Variants in TASP1 observed in about 807,000 individuals in gnomAD.
The protein encoded by TASP1 is taspase 1, also known as threonine aspartase 1.
A neutral mutation model predicts 56.6 loss-of-function variants in TASP1; 16 were observed. That is an observed-to-expected ratio of 0.28 (90% CI 0.19 to 0.43). The LOEUF is 0.43. TASP1 is among the 20% of genes least tolerant of loss of function. TASP1 has a pLI of 1.00. For missense variants in TASP1, 393 were observed against 511.6 expected (o/e 0.77, Z 2.24); for synonymous variants, 179 against 184.2 (o/e 0.97, Z 0.23).
chr20:13,117,866 C>A, the TASP1 span: 2 of 728,170 alleles, frequency 2.7e-6, no homozygotes, highest in Non-Finnish European at 4.4e-6. Flanking sequence ...ACAGTGGGTT[C>A]ACAGCCAGAT....
chr20:13,186,489 A>G, the TASP1 span, among the ~76,000 whole-genome samples: 2 of 152,174 alleles, frequency 1.3e-5, no homozygotes, highest in African/African-American at 4.8e-5. Flanking sequence ...GGAAGAGGGG[A>G]AAATAGCTAC....
the TASP1 span, among the ~76,000 whole-genome samples, chr20:13,161,261 T>C: frequency 6.6e-6 from 1 of 152,120 alleles, no homozygotes; most frequent in Non-Finnish European, 1.5e-5. Flanking sequence ...AGGTATACAG[T>C]AAGGAACAGC....
intron 13 of TASP1, among the ~76,000 whole-genome samples, chr20:13,403,394 G>A (rs922261614): frequency 2.0e-5 from 3 of 152,128 alleles, no homozygotes; most frequent in South Asian, 2.1e-4. Context: ...TGGAGCTGTG[G>A]TGTGATGGTC....
intron 4 of TASP1, among the ~76,000 whole-genome samples, chr20:13,591,436 T>C (rs2047528489): frequency 6.6e-6 from 1 of 152,130 alleles, no homozygotes; most frequent in African/African-American, 2.4e-5. Context: ...GAGTAATCTC[T>C]TTAAAGAACT....
chr20:13,328,977 T>C, the TASP1 span, among the ~76,000 whole-genome samples: 2 of 152,124 alleles, frequency 1.3e-5, no homozygotes, highest in South Asian at 2.1e-4. Flanking sequence ...ATTTAAAAAG[T>C]TTAAAAAATT....
At chr20:13,437,266 T>G (rs1341187466) in intron 11 of TASP1, among the ~76,000 whole-genome samples, 2 of 152,188 alleles carry the variant, frequency 1.3e-5, no homozygotes, top group Admixed American at 6.5e-5. Flanking sequence ...ACCACATGAT[T>G]ATCTCAATAG....
chr20:13,494,695 T>C (rs2043656792), intron 10 of TASP1, among the ~76,000 whole-genome samples: 1 of 152,044 alleles, frequency 6.6e-6, no homozygotes, highest in South Asian at 2.1e-4. Context: ...ACCAGGCTAA[T>C]ATCATCACAT....
At chr20:13,289,666 AG>A in the TASP1 span, among the ~76,000 whole-genome samples, 1 of 96,408 alleles carries the variant, frequency 1.0e-5, no homozygotes, top group African/African-American at 4.1e-5. Context: ...GAGAAGGAGG[AG>A]GAGGAGGGGG....
chr20:13,418,237 C>G (rs115717327), intron 12 of TASP1, among the ~76,000 whole-genome samples: 1 of 152,062 alleles, frequency 6.6e-6, no homozygotes, highest in Non-Finnish European at 1.5e-5. Context: ...CCATTCTCTA[C>G]GAAAAAGAAC....
chr20:13,576,225 G>T (rs2046902899), intron 6 of TASP1, among the ~76,000 whole-genome samples: 1 of 140,290 alleles, frequency 7.1e-6, no homozygotes, highest in Non-Finnish European at 1.6e-5. Context: ...GAGGGGAGGG[G>T]AGGGGAGGGG....
At chr20:13,112,213 C>A in the TASP1 span, among the ~76,000 whole-genome samples, 1 of 152,258 alleles carries the variant, frequency 6.6e-6, no homozygotes, top group African/African-American at 2.4e-5. Context: ...GAGGCCACTT[C>A]ATTCAGCTGA....
intron 10 of TASP1, among the ~76,000 whole-genome samples, chr20:13,492,184 T>C (rs1042397163): frequency 2.6e-5 from 4 of 152,190 alleles, no homozygotes; most frequent in African/African-American, 9.6e-5. Context: ...GGATTACTGA[T>C]GATTTTGAAG....
At chr20:13,601,403 G>A (rs189357177) in intron 4 of TASP1, among the ~76,000 whole-genome samples, 3 of 152,250 alleles carry the variant, frequency 2.0e-5, no homozygotes, top group Admixed American at 2.0e-4. Flanking sequence ...AACTGAAAGA[G>A]CTCCCAATGG....
At chr20:13,305,333 C>A in the TASP1 span, among the ~76,000 whole-genome samples, 4 of 152,094 alleles carry the variant, frequency 2.6e-5, no homozygotes, top group African/African-American at 9.7e-5. Context: ...TGACTACAGA[C>A]CCGTACTACT....
chr20:13,279,903 GT>G, the TASP1 span: 1 of 1,612,624 alleles, frequency 6.2e-7, no homozygotes, highest in Non-Finnish European at 8.5e-7. Context: ...AATATGGTGA[GT>G]TTACCACCTA....
chr20:13,461,301 T>C (rs1272314475), intron 11 of TASP1, among the ~76,000 whole-genome samples: 1 of 152,188 alleles, frequency 6.6e-6, no homozygotes, highest in Non-Finnish European at 1.5e-5. Context: ...CTCTGTAGCT[T>C]TTATTACCAT....
At chr20:13,242,372 G>C in the TASP1 span, among the ~76,000 whole-genome samples, 9 of 152,112 alleles carry the variant, frequency 5.9e-5, no homozygotes, top group African/African-American at 2.2e-4. Flanking sequence ...TTCAGTTTTT[G>C]TTTTTATTTT....
chr20:13,392,308 G>A (rs976248131), intron 13 of TASP1, among the ~76,000 whole-genome samples: 2 of 152,116 alleles, frequency 1.3e-5, no homozygotes, highest in Non-Finnish European at 2.9e-5. Flanking sequence ...ATCTCTCTGT[G>A]ATACCATGTC....
At chr20:13,367,887 G>A in the TASP1 span, among the ~76,000 whole-genome samples, 2 of 152,096 alleles carry the variant, frequency 1.3e-5, no homozygotes, top group Non-Finnish European at 1.5e-5. Context: ...ACAAGGCTGG[G>A]CCAGGATATG....
Sources: allele counts gnomAD v4.1 joint callset (sites outside exome capture counted in the v4.1 genomes callset), GRCh38; gene constraint gnomAD v4.1.1; transcripts MANE v1.5; gene names NCBI Gene and HGNC (gene_info 2026-07-23, HGNC 2026-07-21).